GLI3: variants seen among roughly 807,000 people sequenced by gnomAD.
The protein encoded by GLI3 is GLI family zinc finger 3.
Under a neutral mutation model 100.8 loss-of-function variants are expected in GLI3, and 20 were observed. The ratio of observed to expected loss-of-function variants is 0.20; its 90% CI spans 0.14 to 0.29. GLI3 has a LOEUF of 0.29. Among genes scored for constraint, GLI3 ranks in the 10% least tolerant of loss-of-function variants. The pLI, the probability that GLI3 is intolerant of heterozygous loss-of-function variation, is 1.00. For missense variants in GLI3, 2,040 were observed against 2,128.5 expected (o/e 0.96, Z 0.82); for synonymous variants, 938 against 860.5 (o/e 1.09, Z -1.58).
intron 2 of GLI3, among the ~76,000 whole-genome samples, chr7:42,216,636 CCTCT>C (rs1271563288): frequency 6.6e-6 from 1 of 152,002 alleles, no homozygotes; most frequent in Non-Finnish European, 1.5e-5. Context: ...AAACCTAAAA[CCTCT>C]CTAAAACATG....
rs149817170 is a variant in GLI3, at chr7:41,964,369, G to T, written c.4704C>A (p.Ser1568=). ...CAAGGAATTTGCTTTCTTCCGCTAG[G>T]GAGGTCAGCAAAGAACTCATGTCCC... ...AIGDMSSLLT[S]LAEESKFLAV... The change falls in exon 15 of 15, where the codon TCC becomes TCA. Residue 1568 remains serine, a synonymous_variant. Transcript: ENST00000395925. 12 of 1,614,154 alleles carry T rather than the reference G, an allele frequency of 7.4e-6. 1 individual carries two copies. The African/African-American group carries it at 1.5e-4, about 20-fold the overall frequency.
chr7:42,036,642 T>C (rs1789446504), intron 7 of GLI3, among the ~76,000 whole-genome samples: 1 of 152,216 alleles, frequency 6.6e-6, no homozygotes, highest in African/African-American at 2.4e-5. Context: ...TTTAAACATT[T>C]AATGACATGT....
chr7:42,010,024 T>C (rs1424689722), intron 10 of GLI3, among the ~76,000 whole-genome samples: 2 of 152,236 alleles, frequency 1.3e-5, no homozygotes, highest in African/African-American at 4.8e-5. Context: ...AAGAATTCCA[T>C]TGAGATCTAT....
At chr7:42,021,022 A>G (rs1019951931) in intron 10 of GLI3, among the ~76,000 whole-genome samples, 6 of 152,186 alleles carry the variant, frequency 3.9e-5, no homozygotes, top group East Asian at 1.9e-4. Flanking sequence ...TACCTATTCT[A>G]TAACAGGCCA....
chr7:42,060,593 T>C (rs1372826607), intron 4 of GLI3, among the ~76,000 whole-genome samples: 1 of 152,182 alleles, frequency 6.6e-6, no homozygotes, highest in African/African-American at 2.4e-5. Flanking sequence ...TTCCTCTCTA[T>C]TTTCCATTAA....
In GLI3 at chr7:42,071,161, G is replaced by A. The variant is rs190676385; in HGVS notation, c.473+5591C>T. Among the ~76,000 whole-genome samples, 16 of 152,146 alleles carry A rather than the reference G, an allele frequency of 1.1e-4. No homozygotes were observed. The East Asian group carries it at 1.7e-3, about 17-fold the overall frequency. Reference sequence around the variant, plus strand: ...GCAAATGCAAAGAAATACACAGATCGTCTTCACCCTGAGAGATGTAATTAT... The same window carrying A: ...GCAAATGCAAAGAAATACACAGATCATCTTCACCCTGAGAGATGTAATTAT... On this transcript the variant is annotated intron_variant, in intron 4 of 14. Transcript: ENST00000395925.
chr7:42,237,799 C>T (rs1788848634), upstream of GLI3: 1 of 151,836 alleles, frequency 6.6e-6, no homozygotes. Flanking sequence ...CTTTCTCGCT[C>T]CTTCCAGGCC....
At chr7:42,070,131 C>G (rs2128749972) in intron 4 of GLI3, among the ~76,000 whole-genome samples, 1 of 152,268 alleles carries the variant, frequency 6.6e-6, no homozygotes, top group South Asian at 2.1e-4. Flanking sequence ...AACACTCCAC[C>G]CAGTTGATGA....
chr7:42,249,949 G>T (rs1466875318), intron 1 of GLI3, among the ~76,000 whole-genome samples: 2 of 151,992 alleles, frequency 1.3e-5, no homozygotes, highest in South Asian at 2.1e-4. Flanking sequence ...ACAAAAATTA[G>T]CCAGGCATGG....
rs886062327 is a variant in GLI3, at chr7:41,963,323, C to T, written c.*1007G>A. Reference sequence around the variant, plus strand: ...GTGGGGTTGTTTAAATACCTATATACTTAGAGCTATATATAATCAATTCTC... The same window carrying T: ...GTGGGGTTGTTTAAATACCTATATATTTAGAGCTATATATAATCAATTCTC... On this transcript the variant is annotated 3_prime_UTR_variant, in exon 15 of 15. Coordinates refer to ENST00000395925, the MANE Select transcript of GLI3 (RefSeq NM_000168.6). The T allele has an allele frequency of 2.0e-5, 3 of 152,152 alleles. No individual in the cohort carries two copies. Among genetic ancestry groups the T allele is most frequent in the Non-Finnish European group, 4.4e-5 (3 of 68,022 alleles). The allele number at this position is 152,152 out of a possible 1,614,324, so 9.4% of individuals were successfully genotyped here.
intron 4 of GLI3, among the ~76,000 whole-genome samples, chr7:42,068,669 G>A (rs1784724035): frequency 6.6e-6 from 1 of 152,180 alleles, no homozygotes; most frequent in Non-Finnish European, 1.5e-5. Flanking sequence ...AGGCAGCCCT[G>A]TGTCATTGGC....
chr7:42,146,782 A>G (rs757159821), intron 3 of GLI3, among the ~76,000 whole-genome samples: 5 of 152,214 alleles, frequency 3.3e-5, no homozygotes, highest in African/African-American at 9.7e-5. Context: ...AAATAAAAAT[A>G]CAATGCAGAA....
intron 10 of GLI3, among the ~76,000 whole-genome samples, chr7:41,980,064 T>C (rs923360530): frequency 2.6e-5 from 4 of 152,204 alleles, no homozygotes; most frequent in East Asian, 1.9e-4. Flanking sequence ...AGAAAAGAAA[T>C]TGTTGTTCTC....
intron 2 of GLI3, among the ~76,000 whole-genome samples, chr7:42,175,258 T>C (rs1003041859): frequency 2.0e-5 from 3 of 152,178 alleles, no homozygotes; most frequent in Admixed American, 6.5e-5. Flanking sequence ...TTGCCTTCCA[T>C]CCCTCGGTCC....
chr7:42,228,514 C>G (rs1421021816), intron 1 of GLI3, among the ~76,000 whole-genome samples: 1 of 152,180 alleles, frequency 6.6e-6, no homozygotes, highest in Non-Finnish European at 1.5e-5. Context: ...TATTCACGGG[C>G]ATTTGCAAAC....
upstream of GLI3, among the ~76,000 whole-genome samples, chr7:42,240,748 T>C (rs1470707815): frequency 6.6e-6 from 1 of 152,230 alleles, no homozygotes; most frequent in Non-Finnish European, 1.5e-5. Flanking sequence ...TTCCTAGGGT[T>C]AGAACTTCAA....
chr7:42,162,243 AATT>A (rs1158715918), intron 2 of GLI3, among the ~76,000 whole-genome samples: 1 of 152,148 alleles, frequency 6.6e-6, no homozygotes, highest in Non-Finnish European at 1.5e-5. Context: ...TTTGAACAAG[AATT>A]GGTTTGGAAA....
At chr7:42,229,983 G>A (rs1188742807) in intron 1 of GLI3, among the ~76,000 whole-genome samples, 1 of 150,200 alleles carries the variant, frequency 6.7e-6, no homozygotes, top group African/African-American at 2.5e-5. Context: ...TCTTCTGAGG[G>A]CAAAATCAAT....
intron 10 of GLI3, among the ~76,000 whole-genome samples, chr7:41,996,417 A>T (rs1201401761): frequency 3.3e-5 from 5 of 152,208 alleles, no homozygotes; most frequent in Admixed American, 2.6e-4. Flanking sequence ...TCAAATGCTC[A>T]ACACAGAGAA....
Sources: allele counts gnomAD v4.1 joint callset (sites outside exome capture counted in the v4.1 genomes callset), GRCh38; gene constraint gnomAD v4.1.1; transcripts MANE v1.5; gene names NCBI Gene and HGNC (gene_info 2026-07-23, HGNC 2026-07-21).